The following ZC3H6 variants were observed in gnomAD, a reference collection of about 807,000 sequenced individuals.
ZC3H6 encodes zinc finger CCCH domain-containing protein 6.
ZC3H6 carries 40 observed loss-of-function variants against 107.7 expected under a neutral mutation model. That is an observed-to-expected ratio of 0.37 (90% CI 0.29 to 0.48). ZC3H6 has a LOEUF of 0.48. Ranked by LOEUF, ZC3H6 falls within the 20% of genes least tolerant of loss-of-function variation. The pLI, the probability that ZC3H6 is intolerant of heterozygous loss-of-function variation, is 0.98. For missense variants in ZC3H6, 1,267 were observed against 1,410.4 expected (o/e 0.90, Z 1.63); for synonymous variants, 493 against 487.9 (o/e 1.01, Z -0.14).
Position 112,336,898 on chromosome 2 carries a change from A to AT in ZC3H6, c.*4411dup, listed in dbSNP as rs1280647135. 1 of 152,188 alleles carries AT rather than the reference A, an allele frequency of 6.6e-6. No homozygotes were observed. The highest frequency in any genetic ancestry group is 2.4e-5 in the African/African-American group (1 of 41,434). The allele number at this position is 152,188 out of a possible 1,614,324, so 9.4% of individuals were successfully genotyped here. On this transcript the variant is annotated 3_prime_UTR_variant, in exon 12 of 12. Coordinates refer to ENST00000409871, the MANE Select transcript of ZC3H6 (RefSeq NM_198581.3). ...GTATCTCCTTATTTTTATACTTGCC[A>AT]TAGAAACAAGCCTAGTTGTAGGCCT...
At position 112,336,747 on chromosome 2, in the gene ZC3H6, C is replaced by T. The variant is rs1677141744; in HGVS notation, c.*4259C>T. On this transcript the variant is annotated 3_prime_UTR_variant, in exon 12 of 12. Transcript: ENST00000409871. ...AAGCCCTCCCTATTATCCTGCCTTT[C>T]CTGGAAAGGATACAGACCCAAGAAA... is the stretch of plus-strand genomic sequence containing the variant. 1 of 152,094 alleles carries T rather than the reference C, an allele frequency of 6.6e-6. No individual in the cohort carries two copies. The highest frequency in any genetic ancestry group is 1.5e-5 in the Non-Finnish European group (1 of 68,022). 9.4% of individuals were successfully genotyped at this position (152,094 alleles called of 1,614,324 possible).
At chr2:112,282,590 G>A (rs1441574838) in intron 1 of ZC3H6, among the ~76,000 whole-genome samples, 1 of 152,092 alleles carries the variant, frequency 6.6e-6, no homozygotes, top group Non-Finnish European at 1.5e-5. Context: ...AAGTCAGTGG[G>A]AACTCAAAGT....
At chr2:112,313,818 C>A (rs1170536210) in intron 5 of ZC3H6, among the ~76,000 whole-genome samples, 1 of 152,128 alleles carries the variant, frequency 6.6e-6, no homozygotes, top group Non-Finnish European at 1.5e-5. Flanking sequence ...TGTCCTAGGC[C>A]TTTCAGAGAC....
chr2:112,300,761 GA>G (rs1212071063), intron 2 of ZC3H6, among the ~76,000 whole-genome samples: 1 of 152,060 alleles, frequency 6.6e-6, no homozygotes, highest in Non-Finnish European at 1.5e-5. Flanking sequence ...ATTGCAATGG[GA>G]AAGCTATGAA....
In ZC3H6 at chr2:112,335,778, T is replaced by C. The variant is rs545209801; in HGVS notation, c.*3290T>C. On this transcript the variant is annotated 3_prime_UTR_variant, in exon 12 of 12. Coordinates refer to ENST00000409871, the MANE Select transcript of ZC3H6 (RefSeq NM_198581.3). ...CACAACAGTAGAATTTCCTGAGAGG[T>C]TGAGTGAATATTAACCCATCAAGTT... is the stretch of plus-strand genomic sequence containing the variant. 8 of 152,008 alleles carry C rather than the reference T, an allele frequency of 5.3e-5. No homozygotes were observed. The highest frequency in any genetic ancestry group is 1.9e-4 in the African/African-American group (8 of 41,440). The allele number at this position is 152,008 out of a possible 1,614,324, so 9.4% of individuals were successfully genotyped here.
At chr2:112,305,456 T>G (rs1676457243) in intron 3 of ZC3H6, among the ~76,000 whole-genome samples, 1 of 152,212 alleles carries the variant, frequency 6.6e-6, no homozygotes. Flanking sequence ...GTATCTCACA[T>G]TTTTTAAACA....
intron 1 of ZC3H6, among the ~76,000 whole-genome samples, chr2:112,293,676 G>A (rs1190609600): frequency 6.6e-6 from 1 of 152,202 alleles, no homozygotes; most frequent in Non-Finnish European, 1.5e-5. Flanking sequence ...GGGTAAGGTA[G>A]GGAGTTAGTT....
chr2:112,280,097 G>T (rs999539143), intron 1 of ZC3H6, among the ~76,000 whole-genome samples: 1 of 146,388 alleles, frequency 6.8e-6, no homozygotes, highest in Non-Finnish European at 1.5e-5. Flanking sequence ...TGAAGTAGTT[G>T]CACTAGATCA....
chr2:112,290,373 C>T (rs958550781), intron 1 of ZC3H6, among the ~76,000 whole-genome samples: 1 of 152,260 alleles, frequency 6.6e-6, no homozygotes, highest in Non-Finnish European at 1.5e-5. Context: ...AGGCAGACTC[C>T]TCATCTCAGT....
intron 8 of ZC3H6, 44 bp downstream of exon 8, chr2:112,321,909 C>A: frequency 1.2e-6 from 1 of 867,794 alleles, no homozygotes; most frequent in Non-Finnish European, 1.7e-6. Context: ...TCCACAAATA[C>A]ATTTGACTTG....
Position 112,332,924 on chromosome 2 carries a change from A to G in ZC3H6, c.*436A>G, listed in dbSNP as rs111322981. 4.5e-3 allele frequency: 697 copies of G among 153,576 alleles called. 1 individual carries two copies. Among genetic ancestry groups the G allele is most frequent in the Non-Finnish European group, 7.3e-3 (500 of 68,588 alleles). The allele number at this position is 153,576 out of a possible 1,614,324, so 9.5% of individuals were successfully genotyped here. A position where few individuals can be genotyped will look rare whatever the true frequency, so the allele number is the denominator to read the frequency against. ...TTATTTGTCAGCACAGAACTGATTA[A>G]TATGTAATGCTACCTGCTAATTAAA... On this transcript the variant is annotated 3_prime_UTR_variant, in exon 12 of 12. Coordinates refer to ENST00000409871, the MANE Select transcript of ZC3H6 (RefSeq NM_198581.3).
At position 112,331,917 on chromosome 2, in the gene ZC3H6, G is replaced by T. The variant is rs1558959011; in HGVS notation, c.2999G>T (p.Arg1000Ile). 2 of 1,613,990 alleles carry T rather than the reference G, an allele frequency of 1.2e-6. No homozygotes were observed. The highest frequency in any genetic ancestry group is 2.2e-5 in the South Asian group (2 of 91,074). The change falls in exon 12 of 12, where the codon AGA (arginine) becomes ATA (isoleucine). Residue 1000 changes from arginine (R) to isoleucine (I), a missense_variant. Coordinates refer to ENST00000409871, the MANE Select transcript of ZC3H6 (RefSeq NM_198581.3). Reference protein sequence around the residue: ...HASKGAPHLPRSNPGSSQPSG... With the variant: ...HASKGAPHLPISNPGSSQPSG... ...TCAAAGGGTGCCCCTCACTTACCCA[G>T]ATCAAACCCTGGTTCATCACAGCCC...
intron 1 of ZC3H6, among the ~76,000 whole-genome samples, chr2:112,284,145 A>G (rs904430740): frequency 2.0e-5 from 3 of 151,974 alleles, no homozygotes; most frequent in African/African-American, 7.2e-5. Flanking sequence ...TTATTAGATC[A>G]CTGGTGCTTC....
In ZC3H6 at chr2:112,331,108, G is replaced by C; in HGVS notation, c.2190G>C (p.Gln730His). 1.2e-6 allele frequency: 2 copies of C among 1,612,438 alleles called. No individual in the cohort carries two copies. Among genetic ancestry groups the C allele is most frequent in the Non-Finnish European group, 1.7e-6 (2 of 1,179,238 alleles). Residue 730 changes from glutamine (Q) to histidine (H), a missense_variant, in exon 12 of 12, where the codon CAG becomes CAC. This residue lies in a region of ZC3H6 where 925 missense variants were observed against 1,025.7 expected (regional missense o/e 0.90). Transcript: ENST00000409871. ...AACAAACAGAAACTTTAAGGAATCA[G>C]CAACAACCTTCCACAGAACTCAGCA... ...LQKQTETLRN[Q>H]QQPSTELSTP...
chr2:112,280,173 TTAGAG>T (rs1165482237), intron 1 of ZC3H6, among the ~76,000 whole-genome samples: 1 of 152,236 alleles, frequency 6.6e-6, no homozygotes, highest in Non-Finnish European at 1.5e-5. Flanking sequence ...TTTTCTCAGA[TTAGAG>T]TACACTTTTT....
At chr2:112,328,446 T>C (rs909149996) in intron 11 of ZC3H6, among the ~76,000 whole-genome samples, 1 of 152,226 alleles carries the variant, frequency 6.6e-6, no homozygotes, top group Non-Finnish European at 1.5e-5. Context: ...TTTAACAATA[T>C]TGATTCTTCC....
chr2:112,324,509 G>A lies in ZC3H6; in HGVS notation c.1698G>A (p.Glu566=). 2 of 1,613,352 alleles carry A rather than the reference G, an allele frequency of 1.2e-6. No individual in the cohort carries two copies. The highest frequency in any genetic ancestry group is 1.7e-6 in the Non-Finnish European group (2 of 1,179,604). ...FPGHVMKVPR[E]NHCSPGSSYQ... Reference sequence around the variant, plus strand: ...GACATGTGATGAAAGTACCCAGAGAGAATCACTGTTCTCCAGGTTCATCAT... The same window carrying A: ...GACATGTGATGAAAGTACCCAGAGAAAATCACTGTTCTCCAGGTTCATCAT... The change falls in exon 10 of 12, where the codon GAG becomes GAA. Residue 566 remains glutamate, a synonymous_variant. Transcript: ENST00000409871.
intron 1 of ZC3H6, among the ~76,000 whole-genome samples, chr2:112,286,579 G>A (rs1686615580): frequency 6.6e-6 from 1 of 152,212 alleles, no homozygotes; most frequent in African/African-American, 2.4e-5. Context: ...CTGGGACTAT[G>A]GGCGCACAAC....
In ZC3H6 at chr2:112,338,286, T is replaced by C. The variant is rs1206819084; in HGVS notation, c.*5798T>C. The C allele has an allele frequency of 6.6e-6, 1 of 152,238 alleles. No homozygotes were observed. The highest frequency in any genetic ancestry group is 1.5e-5 in the Non-Finnish European group (1 of 68,048). 9.4% of individuals were successfully genotyped at this position (152,238 alleles called of 1,614,324 possible). A position where few individuals can be genotyped will look rare whatever the true frequency, so the allele number is the denominator to read the frequency against. The stretch of plus-strand genomic sequence containing the variant: ...TTAAAATAAATACTTAGTCCTAACC[T>C]AGTGAATTATCAATAGCATTTAAAA... On this transcript the variant is annotated 3_prime_UTR_variant, in exon 12 of 12. Transcript: ENST00000409871.
Sources: allele counts gnomAD v4.1 joint callset (sites outside exome capture counted in the v4.1 genomes callset), GRCh38; gene constraint gnomAD v4.1.1; regional missense constraint gnomAD v4.1.1; transcripts MANE v1.5; gene names NCBI Gene and HGNC (gene_info 2026-07-23, HGNC 2026-07-21).